Variants in NOX4 observed in about 807,000 individuals in gnomAD.
NOX4 encodes the protein kidney oxidase-1.
NOX4 carries 69 observed loss-of-function variants against 87.6 expected under a neutral mutation model. The observed-to-expected ratio is 0.79, with a 90% confidence interval of 0.65 to 0.96. The LOEUF (loss-of-function observed/expected upper bound fraction) is 0.96. NOX4 is among the 40% of genes least tolerant of loss of function. The pLI is 0.00. For missense variants in NOX4, 680 were observed against 681.5 expected, an observed-to-expected ratio of 1.00 and a Z score of 0.02; for synonymous variants, 275 against 238.2, an observed-to-expected ratio of 1.15 and a Z score of -1.42.
intron 1 of NOX4, chr11:89,490,823 GA>G (rs1946820999): frequency 1.4e-6 from 1 of 698,958 alleles, no homozygotes. Context: ...CGTACAAAAT[GA>G]GATTAAGAAA....
At chr11:89,363,358 T>A (rs1214977915) in intron 12 of NOX4, among the ~76,000 whole-genome samples, 1 of 152,126 alleles carries the variant, frequency 6.6e-6, no homozygotes, top group Non-Finnish European at 1.5e-5. Context: ...ATTTCATCAG[T>A]TAAAGCATGT....
At chr11:89,585,701 T>G in the NOX4 span, among the ~76,000 whole-genome samples, 2 of 152,222 alleles carry the variant, frequency 1.3e-5, no homozygotes, top group Non-Finnish European at 1.5e-5. Flanking sequence ...TCCTCCCGTA[T>G]GCCTTGTTTC....
At chr11:89,528,304 C>T in the NOX4 span, among the ~76,000 whole-genome samples, 75 of 152,202 alleles carry the variant, frequency 4.9e-4, 1 homozygote, top group East Asian at 0.015. Context: ...TCAGGCAGGA[C>T]TTTGGACTTG....
intron 4 of NOX4, among the ~76,000 whole-genome samples, chr11:89,444,492 CAT>C (rs1471953187): frequency 8.9e-5 from 12 of 134,462 alleles, no homozygotes; most frequent in Non-Finnish European, 1.3e-4. Flanking sequence ...CACACACACA[CAT>C]ACACACACAC....
the NOX4 span, among the ~76,000 whole-genome samples, chr11:89,570,510 GA>G: frequency 1.3e-5 from 2 of 151,832 alleles, no homozygotes; most frequent in Non-Finnish European, 2.9e-5. Context: ...AAGTTGGAAA[GA>G]AAAAAAAGTG....
chr11:89,381,331 C>G (rs1285314975), intron 11 of NOX4, among the ~76,000 whole-genome samples: 2 of 152,066 alleles, frequency 1.3e-5, no homozygotes, highest in Non-Finnish European at 2.9e-5. Context: ...CAAGCCTGCA[C>G]GTATACATCC....
intron 12 of NOX4, among the ~76,000 whole-genome samples, chr11:89,359,371 C>G (rs1938334009): frequency 6.7e-6 from 1 of 148,186 alleles, no homozygotes; most frequent in Non-Finnish European, 1.5e-5. Flanking sequence ...CAATAAAAAG[C>G]AGTAGGCATT....
At chr11:89,377,889 T>C (rs939899001) in intron 11 of NOX4, among the ~76,000 whole-genome samples, 1 of 152,194 alleles carries the variant, frequency 6.6e-6, no homozygotes, top group African/African-American at 2.4e-5. Context: ...ATACCTGAAA[T>C]TCACTCTAAA....
At chr11:89,372,382 G>A (rs1411143424) in intron 12 of NOX4, among the ~76,000 whole-genome samples, 1 of 151,944 alleles carries the variant, frequency 6.6e-6, no homozygotes, top group East Asian at 1.9e-4. Context: ...TGGCTTTTCT[G>A]TGCTACTACC....
chr11:89,438,894 ATT>A (rs1491051558), intron 6 of NOX4, among the ~76,000 whole-genome samples: 21 of 41,842 alleles, frequency 5.0e-4, no homozygotes, highest in South Asian at 2.8e-3. Flanking sequence ...TATATTATAT[ATT>A]ATATATATAA....
the NOX4 span, among the ~76,000 whole-genome samples, chr11:89,556,456 G>C: frequency 5.7e-3 from 848 of 148,570 alleles, 7 homozygotes; most frequent in African/African-American, 0.02. Context: ...CTGGGAGGCA[G>C]AGATTGCAGT....
chr11:89,481,234 T>A (rs1205977433), intron 2 of NOX4, among the ~76,000 whole-genome samples: 1 of 151,986 alleles, frequency 6.6e-6, no homozygotes, highest in Admixed American at 6.6e-5. Context: ...GTCTCTGAAT[T>A]CTTTTTAACA....
At chr11:89,525,862 T>G in the NOX4 span, among the ~76,000 whole-genome samples, 4 of 152,294 alleles carry the variant, frequency 2.6e-5, no homozygotes, top group East Asian at 7.7e-4. Flanking sequence ...TTCATGTCTA[T>G]AATCTATTCC....
the NOX4 span, among the ~76,000 whole-genome samples, chr11:89,564,743 G>A: frequency 2.6e-5 from 3 of 117,586 alleles, no homozygotes; most frequent in Non-Finnish European, 5.2e-5. Flanking sequence ...TGTTGTTGTT[G>A]TTTGTTTTTT....
the NOX4 span, among the ~76,000 whole-genome samples, chr11:89,580,029 T>A: frequency 2.6e-5 from 4 of 152,112 alleles, no homozygotes; most frequent in African/African-American, 9.7e-5. Flanking sequence ...TCCTGGGAAA[T>A]GATCACGAGG....
At chr11:89,336,217 A>G (rs1945708528) in intron 16 of NOX4, 2 of 267,426 alleles carry the variant, frequency 7.5e-6, no homozygotes, top group Non-Finnish European at 1.4e-5. Flanking sequence ...TTTGATTTTT[A>G]AATGAATCAA....
chr11:89,520,614 A>G, the NOX4 span, among the ~76,000 whole-genome samples: 1 of 152,132 alleles, frequency 6.6e-6, no homozygotes, highest in Non-Finnish European at 1.5e-5. Context: ...CAAAAACTGG[A>G]AGCATTCCCC....
intron 7 of NOX4, among the ~76,000 whole-genome samples, chr11:89,430,969 A>G (rs986749434): frequency 5.3e-5 from 8 of 152,236 alleles, no homozygotes; most frequent in Admixed American, 2.6e-4. Context: ...ACAAGGCTGC[A>G]GTAACCAAAG....
At chr11:89,578,237 C>T in the NOX4 span, among the ~76,000 whole-genome samples, 2 of 151,440 alleles carry the variant, frequency 1.3e-5, no homozygotes, top group Non-Finnish European at 2.9e-5. Context: ...TCACGGCTTA[C>T]TGCAACCTCT....
Sources: gnomAD v4.1 joint callset for allele counts (sites outside exome capture counted in the v4.1 genomes callset) on GRCh38, gnomAD v4.1.1 for gene constraint, MANE v1.5 for transcripts, NCBI Gene and HGNC (gene_info 2026-07-23, HGNC 2026-07-21) for gene names.